The following BABAM2 variants were observed in gnomAD, a reference collection of about 807,000 sequenced individuals.
BABAM2 encodes BRISC and BRCA1-A complex member 2.
Under a neutral mutation model 54.7 loss-of-function variants are expected in BABAM2, and 31 were observed. The observed-to-expected ratio is 0.57, with a 90% CI of 0.43 to 0.77. The LOEUF is 0.77. Ranked by LOEUF, BABAM2 falls within the 30% of genes least tolerant of loss-of-function variation. The pLI is 0.00. For missense variants in BABAM2, 364 were observed against 455.8 expected (o/e 0.80, Z 1.83); for synonymous variants, 167 against 162.9 (o/e 1.03, Z -0.19).
chr2:28,036,697 A>T (rs1352429435), intron 5 of BABAM2, among the ~76,000 whole-genome samples: 1 of 152,204 alleles, frequency 6.6e-6, no homozygotes, highest in Non-Finnish European at 1.5e-5. Flanking sequence ...AGGCCATGCT[A>T]TGTTTTTATC....
chr2:28,005,282 T>C lies in BABAM2; in HGVS notation c.300+17195T>C, dbSNP rs537965758. On this transcript the variant is annotated intron_variant, in intron 4 of 11. Coordinates refer to ENST00000379624, the MANE Select transcript of BABAM2 (RefSeq NM_199191.3). The stretch of plus-strand genomic sequence containing the variant: ...TTTTACTGAATTAGAAAATCTGTCA[T>C]AGTGATTGTCAACCTTTTAATACTA... 6.4e-4 allele frequency among the ~76,000 whole-genome samples: 98 copies of C among 152,326 alleles called. No individual in the cohort carries two copies. The South Asian group carries it at 0.015, about 23-fold the overall frequency.
intron 7 of BABAM2, among the ~76,000 whole-genome samples, chr2:28,205,377 C>A (rs1260771695): frequency 6.6e-6 from 1 of 152,066 alleles, no homozygotes; most frequent in Non-Finnish European, 1.5e-5. Flanking sequence ...ATGGCACGTG[C>A]CTGTGGTCCT....
intron 3 of BABAM2, among the ~76,000 whole-genome samples, chr2:27,960,375 G>A (rs926918719): frequency 6.6e-6 from 1 of 151,994 alleles, no homozygotes; most frequent in Non-Finnish European, 1.5e-5. Flanking sequence ...CTAGTGCTCT[G>A]GTTTGTGCCT....
chr2:28,334,641 C>T (rs1044609152), intron 11 of BABAM2, among the ~76,000 whole-genome samples: 9 of 152,336 alleles, frequency 5.9e-5, no homozygotes, highest in East Asian at 1.9e-4. Context: ...TCTGGAGAAG[C>T]GGGGCCACAA....
chr2:28,114,350 T>C (rs1352442094), intron 6 of BABAM2, among the ~76,000 whole-genome samples: 2 of 152,160 alleles, frequency 1.3e-5, no homozygotes, highest in Admixed American at 1.3e-4. Flanking sequence ...GCTTTCTTTA[T>C]CTCTTTTCTT....
In BABAM2 at chr2:28,149,628, G is replaced by A. The variant is rs930428367; in HGVS notation, c.680+20248G>A. Among the ~76,000 whole-genome samples the A allele has an allele frequency of 1.2e-4, 18 of 152,144 alleles. No individual in the cohort carries two copies. In the South Asian group the frequency reaches 1.2e-3, roughly 11 times the overall value. On this transcript the variant is annotated intron_variant, in intron 7 of 11. Transcript: ENST00000379624. Reference sequence around the variant, plus strand: ...GGTTTCCAGGGCCCGGTTTTCCTGCGCTCTTTCCACCGTATCACTCCACAC... The same window carrying A: ...GGTTTCCAGGGCCCGGTTTTCCTGCACTCTTTCCACCGTATCACTCCACAC...
At chr2:28,237,836 C>T (rs1682053729) in intron 8 of BABAM2, among the ~76,000 whole-genome samples, 1 of 152,058 alleles carries the variant, frequency 6.6e-6, no homozygotes, top group Non-Finnish European at 1.5e-5. Context: ...GGTAAGATTC[C>T]CAAGTCAGCT....
At chr2:28,138,472 A>G (rs1670737051) in intron 7 of BABAM2, among the ~76,000 whole-genome samples, 1 of 152,182 alleles carries the variant, frequency 6.6e-6, no homozygotes, top group Non-Finnish European at 1.5e-5. Context: ...AAGTTTAAAT[A>G]TAGTTTGGAG....
At chr2:28,301,464 G>A (rs1168638783) in intron 11 of BABAM2, among the ~76,000 whole-genome samples, 1 of 152,174 alleles carries the variant, frequency 6.6e-6, no homozygotes, top group Non-Finnish European at 1.5e-5. Flanking sequence ...AAGCTCTGTG[G>A]TCTTGGGCAG....
chr2:27,921,864 C>T (rs950790403), intron 2 of BABAM2, among the ~76,000 whole-genome samples: 3 of 152,188 alleles, frequency 2.0e-5, no homozygotes, highest in Non-Finnish European at 4.4e-5. Context: ...TTTTGCCTTT[C>T]TTGGAGGTGA....
chr2:28,252,294 A>G (rs1683570661), intron 10 of BABAM2, among the ~76,000 whole-genome samples: 1 of 152,206 alleles, frequency 6.6e-6, no homozygotes, highest in Non-Finnish European at 1.5e-5. Flanking sequence ...TGATAAAAGA[A>G]TATGGAAAAA....
intron 6 of BABAM2, among the ~76,000 whole-genome samples, chr2:28,072,814 T>C (rs1664288741): frequency 1.3e-5 from 2 of 152,226 alleles, no homozygotes. Context: ...AAACTTGACC[T>C]GTTAAATGTA....
intron 6 of BABAM2, among the ~76,000 whole-genome samples, chr2:28,079,533 A>G (rs1664981267): frequency 1.3e-5 from 2 of 152,204 alleles, no homozygotes; most frequent in Non-Finnish European, 2.9e-5. Context: ...TTTTATGACT[A>G]ATTTTTGAAT....
intron 4 of BABAM2, among the ~76,000 whole-genome samples, chr2:28,004,519 A>G (rs1043469507): frequency 6.6e-6 from 1 of 152,182 alleles, no homozygotes; most frequent in Non-Finnish European, 1.5e-5. Context: ...ATTATTATAG[A>G]ATTTTCAAAA....
chr2:28,047,619 T>A (rs974854205), intron 6 of BABAM2, among the ~76,000 whole-genome samples: 8 of 152,254 alleles, frequency 5.3e-5, no homozygotes, highest in African/African-American at 7.2e-5. Flanking sequence ...TTAAGAATTC[T>A]AACTTTATAT....
At chr2:28,266,548 G>A (rs1685003731) in intron 10 of BABAM2, among the ~76,000 whole-genome samples, 1 of 152,200 alleles carries the variant, frequency 6.6e-6, no homozygotes, top group Non-Finnish European at 1.5e-5. Context: ...AGATCTTATA[G>A]TATTTCAAAG....
At chr2:28,091,699 T>G (rs1666171081) in intron 6 of BABAM2, among the ~76,000 whole-genome samples, 1 of 152,232 alleles carries the variant, frequency 6.6e-6, no homozygotes, top group African/African-American at 2.4e-5. Flanking sequence ...AATCCTTTCT[T>G]CCTTGTCTAT....
At chr2:28,139,204 G>T (rs1670813105) in intron 7 of BABAM2, among the ~76,000 whole-genome samples, 2 of 151,558 alleles carry the variant, frequency 1.3e-5, no homozygotes, top group African/African-American at 4.8e-5. Context: ...GAGGCAGGGG[G>T]ATCACTAGCT....
chr2:27,895,630 A>G (rs1434327681), intron 2 of BABAM2, among the ~76,000 whole-genome samples: 4 of 152,134 alleles, frequency 2.6e-5, no homozygotes, highest in African/African-American at 9.7e-5. Context: ...GTAATTAGTT[A>G]AGTACTGTAT....
Sources: gnomAD v4.1 joint callset for allele counts (sites outside exome capture counted in the v4.1 genomes callset) on GRCh38, gnomAD v4.1.1 for gene constraint, MANE v1.5 for transcripts, NCBI Gene and HGNC (gene_info 2026-07-23, HGNC 2026-07-21) for gene names.